The following CYRIB variants were observed in gnomAD, a reference collection of about 807,000 sequenced individuals.
CYRIB encodes CYFIP-related Rac1 interactor B.
Under a neutral mutation model 44.2 loss-of-function variants are expected in CYRIB, and 8 were observed. The ratio of observed to expected loss-of-function variants is 0.18; its 90% confidence interval spans 0.11 to 0.33. CYRIB has a LOEUF of 0.33. CYRIB is among the 10% of genes least tolerant of loss of function. The probability of loss-of-function intolerance (pLI) is 1.00; values close to 1 mark genes in which losing one functional copy is unlikely to be tolerated. For synonymous variants in CYRIB, 131 were observed against 127.2 expected, an observed-to-expected ratio of 1.03 and a Z score of -0.20; for missense variants, 185 against 382.8, an observed-to-expected ratio of 0.48 and a Z score of 4.31.
At chr8:129,993,159 GGC>G (rs1212700475) in intron 1 of CYRIB, among the ~76,000 whole-genome samples, 5 of 152,170 alleles carry the variant, frequency 3.3e-5, no homozygotes, top group Admixed American at 2.6e-4. Flanking sequence ...GGGAGGCCAA[GGC>G]GGGTGGATCA....
intron 1 of CYRIB, among the ~76,000 whole-genome samples, chr8:130,012,477 G>C (rs1446021533): frequency 6.6e-6 from 1 of 152,086 alleles, no homozygotes; most frequent in Non-Finnish European, 1.5e-5. Flanking sequence ...TGGGACCAGG[G>C]GAGGGACAGA....
chr8:129,984,945 T>G (rs980587789), intron 1 of CYRIB, among the ~76,000 whole-genome samples: 1 of 152,132 alleles, frequency 6.6e-6, no homozygotes, highest in African/African-American at 2.4e-5. Flanking sequence ...AGGCTAATTT[T>G]GTATTTTTAG....
At chr8:129,914,270 A>G (rs1259752339) in intron 1 of CYRIB, among the ~76,000 whole-genome samples, 1 of 152,238 alleles carries the variant, frequency 6.6e-6, no homozygotes, top group Non-Finnish European at 1.5e-5. Flanking sequence ...GTTACAAAAG[A>G]AAGAGTTGAC....
intron 1 of CYRIB, among the ~76,000 whole-genome samples, chr8:129,993,507 G>T (rs1298538960): frequency 6.6e-6 from 1 of 151,866 alleles, no homozygotes; most frequent in Non-Finnish European, 1.5e-5. Flanking sequence ...GACCGGACTG[G>T]ACAACACAGG....
intron 3 of CYRIB, among the ~76,000 whole-genome samples, chr8:129,877,539 C>T (rs970326173): frequency 2.8e-4 from 42 of 151,820 alleles, no homozygotes; most frequent in African/African-American, 9.9e-4. Context: ...GTCCCAGCTA[C>T]TCTGGAGGCT....
At chr8:130,007,760 G>A (rs999397668) in intron 1 of CYRIB, among the ~76,000 whole-genome samples, 24 of 151,734 alleles carry the variant, frequency 1.6e-4, no homozygotes, top group Admixed American at 1.4e-3. Context: ...CTCCAGCCTG[G>A]GCAACAAGAG....
In CYRIB at chr8:129,876,178, T is replaced by C. The variant is rs146766035; in HGVS notation, c.73+3211A>G. On this transcript the variant is annotated intron_variant, in intron 3 of 11. Coordinates refer to ENST00000519824, the Ensembl canonical transcript of CYRIB. ...TACTCCCTGCCATTTAAAGTTAGTA[T>C]CTTCATGAGCTACACGTTGAAAATA... 4.7e-4 allele frequency among the ~76,000 whole-genome samples: 71 copies of C among 151,956 alleles called. No individual in the cohort carries two copies. The South Asian group carries it at 0.01, about 22-fold the overall frequency.
At position 129,907,032 on chromosome 8, in the gene CYRIB, G is replaced by A. The variant is rs2075767607; in HGVS notation, c.-49-3682C>T. On this transcript the variant is annotated intron_variant, in intron 1 of 11. Coordinates refer to ENST00000519824, the Ensembl canonical transcript of CYRIB. ...GTAAACTAGTTCAACCATTGTGGAA[G>A]ACAGTGTGGCGATTCCTCAGGGATC... 3.3e-5 allele frequency among the ~76,000 whole-genome samples: 5 copies of A among 152,342 alleles called. No homozygotes were observed. In the South Asian group the frequency reaches 1.0e-3, roughly 32 times the overall value.
At chr8:129,871,439 T>G in exon 4 of CYRIB, 1 of 1,611,922 alleles carries the variant, frequency 6.2e-7, no homozygotes, top group Non-Finnish European at 8.5e-7. Context: ...TTCTGCATCT[T>G]TTAATACTAC....
intron 1 of CYRIB, among the ~76,000 whole-genome samples, chr8:129,998,778 T>C (rs1296149532): frequency 4.9e-4 from 74 of 152,086 alleles, no homozygotes; most frequent in Non-Finnish European, 1.5e-4. Flanking sequence ...ATTACAGGCA[T>C]GTGCCACCCC....
At chr8:130,001,180 A>G (rs1219379896) in intron 1 of CYRIB, among the ~76,000 whole-genome samples, 1 of 152,160 alleles carries the variant, frequency 6.6e-6, no homozygotes, top group Non-Finnish European at 1.5e-5. Context: ...TCTGCTCCGT[A>G]TGGGCTTCTC....
chr8:129,935,365 G>A (rs999631969), intron 1 of CYRIB, among the ~76,000 whole-genome samples: 1 of 152,156 alleles, frequency 6.6e-6, no homozygotes, highest in Non-Finnish European at 1.5e-5. Context: ...GGCGACAGGG[G>A]GAATGGTTTC....
At chr8:130,006,687 C>T (rs1360178332) in intron 1 of CYRIB, among the ~76,000 whole-genome samples, 2 of 84,418 alleles carry the variant, frequency 2.4e-5, no homozygotes, top group African/African-American at 4.7e-5. Flanking sequence ...TATATATACA[C>T]ACATATATCT....
rs1045768066 is a variant in CYRIB, at chr8:129,857,639, T to C, written c.302-1892A>G. 3.7e-4 allele frequency among the ~76,000 whole-genome samples: 56 copies of C among 152,290 alleles called. 1 individual carries two copies. The highest frequency in any genetic ancestry group is 1.3e-3 in the African/African-American group (55 of 41,544). The stretch of plus-strand genomic sequence containing the variant: ...TTAAAATGCTACTTCATTTGCAGTG[T>C]GGAGCATGGACTATAGGGGTATGGA... On this transcript the variant is annotated intron_variant, in intron 5 of 11. Coordinates refer to ENST00000519824, the Ensembl canonical transcript of CYRIB.
intron 1 of CYRIB, among the ~76,000 whole-genome samples, chr8:130,014,018 A>G (rs2097285834): frequency 6.6e-6 from 1 of 152,100 alleles, no homozygotes; most frequent in South Asian, 2.1e-4. Flanking sequence ...TTAGGCAAGG[A>G]CCCTCAATCT....
At chr8:129,917,852 A>G (rs1466788837) in intron 1 of CYRIB, among the ~76,000 whole-genome samples, 1 of 152,166 alleles carries the variant, frequency 6.6e-6, no homozygotes, top group Non-Finnish European at 1.5e-5. Flanking sequence ...GCGAGACACC[A>G]TCTCAAAAAA....
intron 2 of CYRIB, among the ~76,000 whole-genome samples, chr8:129,956,095 G>A (rs142810138): frequency 8.5e-5 from 13 of 152,256 alleles, no homozygotes; most frequent in African/African-American, 3.1e-4. Context: ...TGAAAGATAT[G>A]ACCCTCTCCT....
At chr8:129,932,075 C>T (rs1345337204) in intron 1 of CYRIB, among the ~76,000 whole-genome samples, 10 of 147,936 alleles carry the variant, frequency 6.8e-5, no homozygotes, top group Non-Finnish European at 1.4e-4. Flanking sequence ...CTCGGCTCAC[C>T]GCAACCTCCA....
At chr8:129,974,899 T>G (rs1240505361) in intron 1 of CYRIB, among the ~76,000 whole-genome samples, 3 of 151,476 alleles carry the variant, frequency 2.0e-5, no homozygotes, top group Admixed American at 6.6e-5. Flanking sequence ...TTTTTTTTTT[T>G]TTTGAGACGG....
Sources: gnomAD v4.1 joint callset for allele counts (sites outside exome capture counted in the v4.1 genomes callset) on GRCh38, gnomAD v4.1.1 for gene constraint, MANE v1.5 for transcripts, NCBI Gene and HGNC (gene_info 2026-07-23, HGNC 2026-07-21) for gene names.